GNAQ: variants seen among roughly 807,000 people sequenced by gnomAD.
GNAQ encodes the protein G protein subunit alpha q.
In GNAQ, 8 loss-of-function variants were observed where a neutral mutation model predicts 43.9. The ratio of observed to expected loss-of-function variants is 0.18; its 90% CI spans 0.11 to 0.33. The LOEUF is 0.33. GNAQ is among the 10% of genes least tolerant of loss of function. The pLI is 1.00. For missense variants in GNAQ, 158 were observed against 450.8 expected (o/e 0.35, Z 5.88); for synonymous variants, 155 against 170.7 (o/e 0.91, Z 0.71).
At chr9:78,023,069 G>A (rs529724181) in intron 1 of GNAQ, among the ~76,000 whole-genome samples, 1 of 152,286 alleles carries the variant, frequency 6.6e-6, no homozygotes, top group Non-Finnish European at 1.5e-5. Flanking sequence ...ATCCGATTCT[G>A]AAACCCACTG....
At chr9:77,805,764 G>A in intron 3 of GNAQ, among the ~76,000 whole-genome samples, 1 of 152,054 alleles carries the variant, frequency 6.6e-6, no homozygotes, top group South Asian at 2.1e-4. Flanking sequence ...GGTAGCAGGT[G>A]GGTTATAATC....
At chr9:77,957,385 C>T (rs1406452598) in intron 1 of GNAQ, among the ~76,000 whole-genome samples, 1 of 151,550 alleles carries the variant, frequency 6.6e-6, no homozygotes, top group African/African-American at 2.4e-5. Context: ...AAAACAAAAA[C>T]AAAACAAACA....
intron 5 of GNAQ, among the ~76,000 whole-genome samples, chr9:77,746,076 T>C (rs368433198): frequency 6.6e-6 from 1 of 152,216 alleles, no homozygotes; most frequent in African/African-American, 2.4e-5. Context: ...AAAGGGATCA[T>C]TGGAAGACTA....
At position 77,836,742 on chromosome 9, in the gene GNAQ, T is replaced by A. The variant is rs569992371; in HGVS notation, c.322-20972A>T. Among the ~76,000 whole-genome samples, 6 of 152,194 alleles carry A rather than the reference T, an allele frequency of 3.9e-5. No homozygotes were observed. In the South Asian group the frequency reaches 1.0e-3, roughly 26 times the overall value. On this transcript the variant is annotated intron_variant, in intron 2 of 6. Coordinates refer to ENST00000286548, the MANE Select transcript of GNAQ (RefSeq NM_002072.5). ...CTAGTAGTATCCAAACTATCATATATTTATATCACAGGTAATTATTACTAT... is the reference window on the plus strand; with the variant it reads ...CTAGTAGTATCCAAACTATCATATAATTATATCACAGGTAATTATTACTAT...
chr9:77,888,824 A>G (rs1364954834), intron 2 of GNAQ, among the ~76,000 whole-genome samples: 1 of 150,774 alleles, frequency 6.6e-6, no homozygotes. Context: ...TAGTCTAGCA[A>G]AGTCCCTTGA....
chr9:77,794,455 A>G lies in GNAQ; in HGVS notation c.735+8T>C. ...TGATAATCCATTGCCTGTCTAAAGA[A>G]CACTTACCTCATTGTCTGACTCCAC... On this transcript the variant is annotated splice_region_variant and intron_variant, in intron 5 of 6. Transcript: ENST00000286548. The G allele has an allele frequency of 6.3e-7, 1 of 1,581,374 alleles. No homozygotes were observed. The highest frequency in any genetic ancestry group is 8.6e-7 in the Non-Finnish European group (1 of 1,157,288).
intron 1 of GNAQ, among the ~76,000 whole-genome samples, chr9:77,975,197 T>C (rs1823283338): frequency 6.6e-6 from 1 of 152,204 alleles, no homozygotes; most frequent in Non-Finnish European, 1.5e-5. Flanking sequence ...AAAAATTGTA[T>C]TGCAGCAAAC....
At chr9:77,902,593 A>G (rs1412725330) in intron 2 of GNAQ, among the ~76,000 whole-genome samples, 1 of 152,262 alleles carries the variant, frequency 6.6e-6, no homozygotes, top group African/African-American at 2.4e-5. Flanking sequence ...ATAAAGGAAG[A>G]AAGATCAAGA....
intron 2 of GNAQ, among the ~76,000 whole-genome samples, chr9:77,855,470 A>AT (rs1827739152): frequency 6.6e-6 from 1 of 152,226 alleles, no homozygotes; most frequent in Non-Finnish European, 1.5e-5. Context: ...TTATACTTTG[A>AT]TTTTGCATGG....
At chr9:77,749,960 A>T (rs1332347427) in intron 5 of GNAQ, among the ~76,000 whole-genome samples, 1 of 152,118 alleles carries the variant, frequency 6.6e-6, no homozygotes, top group East Asian at 1.9e-4. Flanking sequence ...TTCTTCACTA[A>T]TTTAGACTGT....
chr9:77,998,280 G>T (rs1282185744), intron 1 of GNAQ, among the ~76,000 whole-genome samples: 1 of 152,176 alleles, frequency 6.6e-6, no homozygotes, highest in African/African-American at 2.4e-5. Flanking sequence ...CTCTCATGCT[G>T]CCTTTTTTGT....
intron 6 of GNAQ, among the ~76,000 whole-genome samples, chr9:77,726,365 A>G (rs182900154): frequency 8.5e-5 from 13 of 152,318 alleles, no homozygotes; most frequent in Admixed American, 8.5e-4. Flanking sequence ...GACATCCACA[A>G]ATGTTTATAT....
At chr9:77,771,755 TG>T (rs1434211447) in intron 5 of GNAQ, among the ~76,000 whole-genome samples, 2 of 152,196 alleles carry the variant, frequency 1.3e-5, no homozygotes, top group Non-Finnish European at 2.9e-5. Context: ...TCTGTGAAGC[TG>T]GCCCTGTTAG....
chr9:77,992,662 G>A (rs961861012), intron 1 of GNAQ, among the ~76,000 whole-genome samples: 6 of 152,152 alleles, frequency 3.9e-5, no homozygotes, highest in Non-Finnish European at 5.9e-5. Context: ...GAGGAACGAC[G>A]TCCAGGCATG....
intron 4 of GNAQ, among the ~76,000 whole-genome samples, chr9:77,796,794 A>G (rs1363409173): frequency 6.6e-6 from 1 of 152,234 alleles, no homozygotes. Flanking sequence ...AAACACCAGC[A>G]TGAAAACTTC....
intron 2 of GNAQ, among the ~76,000 whole-genome samples, chr9:77,826,508 T>C (rs1346349299): frequency 2.0e-5 from 3 of 152,268 alleles, no homozygotes; most frequent in Non-Finnish European, 4.4e-5. Flanking sequence ...GCTTGTGTTA[T>C]GAGTTCCAAC....
intron 2 of GNAQ, among the ~76,000 whole-genome samples, chr9:77,831,396 A>C (rs1587936447): frequency 6.6e-6 from 1 of 152,182 alleles, no homozygotes; most frequent in Non-Finnish European, 1.5e-5. Context: ...CCCACACCAA[A>C]ATCAGGAGGA....
At chr9:77,831,426 T>C (rs767454448) in intron 2 of GNAQ, among the ~76,000 whole-genome samples, 2 of 152,204 alleles carry the variant, frequency 1.3e-5, no homozygotes, top group African/African-American at 2.4e-5. Flanking sequence ...ACCCATGCAA[T>C]TTAAAACCAT....
intron 2 of GNAQ, among the ~76,000 whole-genome samples, chr9:77,911,354 TGTGTGTATAC>T (rs1828799609): frequency 6.6e-6 from 1 of 152,118 alleles, no homozygotes; most frequent in Admixed American, 6.6e-5. Context: ...CATACATGAG[TGTGTGTATAC>T]GTGTGTATGT....
Sources: allele counts gnomAD v4.1 joint callset (sites outside exome capture counted in the v4.1 genomes callset), GRCh38; gene constraint gnomAD v4.1.1; transcripts MANE v1.5; gene names NCBI Gene and HGNC (gene_info 2026-07-23, HGNC 2026-07-21).